USH2A: variants seen among roughly 807,000 people sequenced by gnomAD.
USH2A encodes the protein usherin.
USH2A carries 443 observed loss-of-function variants against 538.9 expected under a neutral mutation model. The observed-to-expected ratio is 0.82, with a 90% CI of 0.76 to 0.89. The LOEUF (loss-of-function observed/expected upper bound fraction) is 0.89, where lower values mean the gene tolerates loss of function less well. USH2A is among the 40% of genes least tolerant of loss of function. USH2A has a pLI of 0.00. For missense variants in USH2A, 6,633 were observed against 6,324.8 expected (o/e 1.05, Z -1.65); for synonymous variants, 2,413 against 2,273.5 (o/e 1.06, Z -1.75).
chr1:215,856,329 C>T (rs1208199771), intron 44 of USH2A, among the ~76,000 whole-genome samples: 2 of 152,102 alleles, frequency 1.3e-5, no homozygotes, highest in Non-Finnish European at 2.9e-5. Context: ...GCAACTCAAA[C>T]AAATTAGCAA....
intron 24 of USH2A, 42 bp from the exon 25 acceptor site, chr1:216,084,919 G>T (rs781489304): frequency 6.3e-7 from 1 of 1,591,216 alleles, no homozygotes; most frequent in Admixed American, 1.7e-5. Context: ...TATTTTGAAA[G>T]ATTATTTTCA....
intron 9 of USH2A, among the ~76,000 whole-genome samples, chr1:216,315,992 T>A (rs1201480835): frequency 6.6e-6 from 1 of 152,200 alleles, no homozygotes; most frequent in Admixed American, 6.5e-5. Context: ...ACTGCTTTTT[T>A]TTCATTCTTG....
chr1:216,116,169 A>G (rs1329504567), intron 21 of USH2A, among the ~76,000 whole-genome samples: 1 of 151,860 alleles, frequency 6.6e-6, no homozygotes, highest in East Asian at 1.9e-4. Flanking sequence ...TTATACCTCA[A>G]ATAAGATCCA....
chr1:215,743,040 G>T, intron 59 of USH2A, 137 bp downstream of exon 59: 1 of 992,728 alleles, frequency 1.0e-6, no homozygotes, highest in South Asian at 1.4e-5. Context: ...GATTTTTCTG[G>T]GTAAACAGTC....
At chr1:216,130,599 A>ATG (rs2033354458) in intron 21 of USH2A, among the ~76,000 whole-genome samples, 1 of 146,156 alleles carries the variant, frequency 6.8e-6, no homozygotes, top group Non-Finnish European at 1.5e-5. Context: ...ATTATATATC[A>ATG]TGTGTATATA....
At chr1:216,402,384 T>C (rs564610624) in intron 3 of USH2A, among the ~76,000 whole-genome samples, 1 of 152,210 alleles carries the variant, frequency 6.6e-6, no homozygotes, top group South Asian at 2.1e-4. Context: ...TAGAACTGAA[T>C]GCACATGAAA....
chr1:215,824,882 C>A (rs768277146), intron 47 of USH2A, among the ~76,000 whole-genome samples: 22 of 152,118 alleles, frequency 1.4e-4, no homozygotes, highest in Non-Finnish European at 2.4e-4. Context: ...TATGAAAGTC[C>A]AATTTTCTTA....
intron 64 of USH2A, among the ~76,000 whole-genome samples, chr1:215,658,276 C>T (rs773082498): frequency 3.3e-5 from 5 of 151,200 alleles, no homozygotes; most frequent in Non-Finnish European, 7.4e-5. Context: ...CTTATATCTG[C>T]TCTCCCTAAG....
At chr1:216,287,419 A>G (rs1013867666) in intron 11 of USH2A, among the ~76,000 whole-genome samples, 24 of 152,232 alleles carry the variant, frequency 1.6e-4, no homozygotes, top group Admixed American at 1.3e-4. Flanking sequence ...ATCTAGAGCC[A>G]GTAGTATGCT....
chr1:215,844,588 A>C, intron 45 of USH2A, 92 bp from the exon 46 acceptor site: 2 of 1,359,352 alleles, frequency 1.5e-6, no homozygotes, highest in Admixed American at 3.6e-5. Context: ...GGTTTAGCAA[A>C]GGGTTCCTCG....
chr1:215,658,350 T>C (rs1657331322), intron 64 of USH2A, among the ~76,000 whole-genome samples: 1 of 152,108 alleles, frequency 6.6e-6, no homozygotes, highest in South Asian at 2.1e-4. Context: ...TTTTGGGGTT[T>C]ATTGAGCACT....
chr1:215,725,306 C>T (rs1159726724), intron 61 of USH2A, among the ~76,000 whole-genome samples: 1 of 152,174 alleles, frequency 6.6e-6, no homozygotes, highest in East Asian at 1.9e-4. Context: ...CTGCGTCTGG[C>T]CTAGATATCT....
intron 54 of USH2A, among the ~76,000 whole-genome samples, chr1:215,781,607 G>A (rs1296797658): frequency 6.6e-6 from 1 of 151,994 alleles, no homozygotes; most frequent in Admixed American, 6.6e-5. Context: ...CAGAAGGCTT[G>A]GAACAATTTT....
At chr1:215,664,638 T>C (rs1490999369) in intron 64 of USH2A, among the ~76,000 whole-genome samples, 1 of 152,238 alleles carries the variant, frequency 6.6e-6, no homozygotes, top group Non-Finnish European at 1.5e-5. Context: ...AGATGAGTGC[T>C]ATGAACTGAC....
chr1:216,372,202 A>G (rs1352661445), intron 3 of USH2A, among the ~76,000 whole-genome samples: 1 of 152,188 alleles, frequency 6.6e-6, no homozygotes. Context: ...ATTCATACAC[A>G]GGTATGCCCC....
chr1:216,412,221 T>C (rs141721413), intron 3 of USH2A, among the ~76,000 whole-genome samples: 52 of 152,268 alleles, frequency 3.4e-4, no homozygotes, highest in Non-Finnish European at 6.3e-4. Context: ...GGTTGCACAA[T>C]TTTTTACTAA....
At chr1:215,838,511 AC>A (rs1317103659) in intron 46 of USH2A, among the ~76,000 whole-genome samples, 2 of 152,190 alleles carry the variant, frequency 1.3e-5, no homozygotes, top group African/African-American at 4.8e-5. Flanking sequence ...GGAAGTCTTG[AC>A]ACTGTAAAAC....
rs2102546166 is a variant in USH2A at position 216,247,090 on chromosome 1, GC to G, written c.2303del (p.Cys768SerfsTer20). 6.2e-7 allele frequency: 1 copy of G among 1,613,990 alleles called. No individual in the cohort carries two copies. The highest frequency in any genetic ancestry group is 1.7e-4 in the Middle Eastern group (1 of 6,060). Reference sequence around the variant, plus strand: ...ACTGAAGTCCTTTGGCTTCTTTTTTGCACTCACACTGCCCAGAGTGAGGATT... The same window carrying G: ...ACTGAAGTCCTTTGGCTTCTTTTTTGACTCACACTGCCCAGAGTGAGGATT... The part of the protein sequence containing the change: ...FCNPHSGQCE[C>X]KKEAKGLQCD... On this transcript the variant is annotated frameshift_variant, in exon 13 of 72. Coordinates refer to ENST00000307340, the MANE Select transcript of USH2A (RefSeq NM_206933.4). LOFTEE classifies it high-confidence loss of function.
intron 21 of USH2A, among the ~76,000 whole-genome samples, chr1:216,170,122 T>A (rs942775295): frequency 4.6e-5 from 7 of 152,160 alleles, no homozygotes; most frequent in African/African-American, 1.7e-4. Context: ...ATAATCAGCT[T>A]TCTTTTAATG....
Sources: gnomAD v4.1 joint callset for allele counts (sites outside exome capture counted in the v4.1 genomes callset) on GRCh38, gnomAD v4.1.1 for gene constraint, MANE v1.5 for transcripts, NCBI Gene and HGNC (gene_info 2026-07-23, HGNC 2026-07-21) for gene names.